The following ZNF536 variants were observed in gnomAD, a reference collection of about 807,000 sequenced individuals.
ZNF536 encodes zinc finger protein 536.
Under a neutral mutation model 84.5 loss-of-function variants are expected in ZNF536, and 13 were observed. That is an observed-to-expected ratio of 0.15 (90% CI 0.10 to 0.24). ZNF536 has a LOEUF of 0.24. Ranked by LOEUF, ZNF536 falls within the 10% of genes least tolerant of loss-of-function variation. The pLI, the probability that ZNF536 is intolerant of heterozygous loss-of-function variation, is 1.00. For synonymous variants in ZNF536, 811 were observed against 742.5 expected, an observed-to-expected ratio of 1.09 and a Z score of -1.50; for missense variants, 1,536 against 1,747.5, an observed-to-expected ratio of 0.88 and a Z score of 2.16.
chr19:30,396,819 C>T (rs1440151399), intron 1 of ZNF536, among the ~76,000 whole-genome samples: 1 of 151,994 alleles, frequency 6.6e-6, no homozygotes, highest in Non-Finnish European at 1.5e-5. Context: ...TGGCCAGGCT[C>T]GTCTCGAACT....
At chr19:30,459,683 C>T (rs1032088904) in intron 2 of ZNF536, among the ~76,000 whole-genome samples, 1 of 152,108 alleles carries the variant, frequency 6.6e-6, no homozygotes, top group African/African-American at 2.4e-5. Flanking sequence ...GTGCAGCTCA[C>T]GGGGTCGGCC....
chr19:30,616,608 G>T (rs2048303832), intron 1 of ZNF536, among the ~76,000 whole-genome samples: 1 of 152,170 alleles, frequency 6.6e-6, no homozygotes, highest in African/African-American at 2.4e-5. Flanking sequence ...TACAAAGCAT[G>T]ATTGATTGAT....
At chr19:30,390,958 C>T (rs768140045) in intron 1 of ZNF536, among the ~76,000 whole-genome samples, 1 of 152,212 alleles carries the variant, frequency 6.6e-6, no homozygotes, top group African/African-American at 2.4e-5. Context: ...TTATAAACCT[C>T]GGGGGCTACG....
rs2146213618 is a variant in ZNF536 at position 30,548,706 on chromosome 19, A to G, written c.3087A>G (p.Lys1029=). 1 of 1,613,988 alleles carries G rather than the reference A, an allele frequency of 6.2e-7. No individual in the cohort carries two copies. The highest frequency in any genetic ancestry group is 1.6e-4 in the Middle Eastern group (1 of 6,062). ...HLQANHLGKA[K]RKDNTIGVTV... ...AGGCCAACCACCTGGGCAAAGCGAA[A>G]CGCAAAGATAACACCATCGGGGTCA... is the stretch of plus-strand genomic sequence containing the variant. The change falls in exon 4 of 5, where the codon AAA becomes AAG. Residue 1029 remains lysine (K), a synonymous_variant. Transcript: ENST00000355537.
At chr19:30,530,134 G>A (rs1324648101) in intron 2 of ZNF536, among the ~76,000 whole-genome samples, 2 of 152,236 alleles carry the variant, frequency 1.3e-5, no homozygotes, top group Non-Finnish European at 2.9e-5. Flanking sequence ...ACAGATGGCA[G>A]CGTTGAGGCT....
chr19:30,444,979 A>G lies in ZNF536; in HGVS notation c.1417A>G (p.Ile473Val). ...AGCGCTGGGGAAGCTGCTGTCTCCCATCTCCAGCATGGCCCACGGCGTCCC... is the reference window on the plus strand; with the variant it reads ...AGCGCTGGGGAAGCTGCTGTCTCCCGTCTCCAGCATGGCCCACGGCGTCCC... The part of the protein sequence containing the change: ...KEALGKLLSP[I>V]SSMAHGVPEG... The change falls in exon 2 of 5, where the codon ATC becomes GTC. Residue 473 changes from isoleucine to valine, a missense_variant. By Grantham distance (29) the Ile-to-Val change is conservative. This residue lies in a region of ZNF536 where 366 missense variants were observed against 364.4 expected (regional missense o/e 1.00). Transcript: ENST00000355537. 6.2e-7 allele frequency: 1 copy of G among 1,611,562 alleles called. No homozygotes were observed. The highest frequency in any genetic ancestry group is 1.1e-5 in the South Asian group (1 of 90,840).
intron 1 of ZNF536, among the ~76,000 whole-genome samples, chr19:30,662,766 G>C (rs951543788): frequency 1.3e-5 from 2 of 152,082 alleles, no homozygotes; most frequent in Non-Finnish European, 2.9e-5. Context: ...TGCCCTGACG[G>C]CCGGTCGGGG....
chr19:30,306,623 AGTTT>A (rs2046350800), intron 2 of ZNF536, among the ~76,000 whole-genome samples: 4 of 152,220 alleles, frequency 2.6e-5, no homozygotes, highest in African/African-American at 7.2e-5. Context: ...GTTGGTTATA[AGTTT>A]GTTTGAGAAA....
At chr19:30,231,448 T>G (rs1197279047) in intron 1 of ZNF536, among the ~76,000 whole-genome samples, 1 of 152,202 alleles carries the variant, frequency 6.6e-6, no homozygotes, top group Admixed American at 6.5e-5. Flanking sequence ...AACTCACACC[T>G]GCTGTGCACA....
intron 2 of ZNF536, among the ~76,000 whole-genome samples, chr19:30,484,360 G>A (rs2054209111): frequency 6.7e-6 from 1 of 149,134 alleles, no homozygotes; most frequent in Non-Finnish European, 1.5e-5. Context: ...CCGAGTAGCT[G>A]GGATTACAGG....
intron 2 of ZNF536, among the ~76,000 whole-genome samples, chr19:30,475,827 C>T (rs954434408): frequency 2.0e-5 from 3 of 152,142 alleles, no homozygotes; most frequent in Admixed American, 6.5e-5. Flanking sequence ...CCCCTTTCTC[C>T]CCTGTCTCCC....
At chr19:30,424,982 C>T (rs2051148897) in intron 1 of ZNF536, among the ~76,000 whole-genome samples, 1 of 151,976 alleles carries the variant, frequency 6.6e-6, no homozygotes, top group Admixed American at 6.6e-5. Context: ...GTGCGTGGAG[C>T]CTTCTGGGCT....
intron 1 of ZNF536, among the ~76,000 whole-genome samples, chr19:30,383,820 C>A (rs1600491279): frequency 7.0e-6 from 1 of 143,380 alleles, no homozygotes; most frequent in South Asian, 2.3e-4. Context: ...TTCTCTCTTT[C>A]TTTCTTTCTC....
At chr19:30,687,145 C>T (rs1025601973) in intron 1 of ZNF536, among the ~76,000 whole-genome samples, 1 of 152,188 alleles carries the variant, frequency 6.6e-6, no homozygotes, top group Non-Finnish European at 1.5e-5. Context: ...GCCGGGCAGA[C>T]GCGGGGCTGC....
intron 3 of ZNF536, among the ~76,000 whole-genome samples, chr19:30,359,606 C>G (rs1483664128): frequency 6.6e-6 from 1 of 152,178 alleles, no homozygotes; most frequent in Non-Finnish European, 1.5e-5. Flanking sequence ...ACCTGAGTTA[C>G]AGGGTGCCCA....
chr19:30,701,592 A>G (rs2051986014), intron 1 of ZNF536, among the ~76,000 whole-genome samples: 2 of 152,136 alleles, frequency 1.3e-5, no homozygotes, highest in Admixed American at 1.3e-4. Context: ...ACACCCCTTC[A>G]GGGGGTTCAT....
In ZNF536 at chr19:30,353,440, C is replaced by T. The variant is rs539528132; in HGVS notation, c.-3+956C>T. Among the ~76,000 whole-genome samples the T allele has an allele frequency of 2.4e-3, 369 of 152,064 alleles. 1 individual carries two copies. The highest frequency in any genetic ancestry group is 7.5e-3 in the African/African-American group (309 of 41,470). ...GATTTCACACTGTGGTGAGTGTTTT[C>T]CGTCAGTTTCTTGGTGGGTGTATTT... On this transcript the variant is annotated intron_variant, in intron 3 of 5. Coordinates refer to the ZNF536 transcript ENST00000585628.
chr19:30,567,345 G>A (rs1422516375), intron 1 of ZNF536, among the ~76,000 whole-genome samples: 2 of 152,180 alleles, frequency 1.3e-5, no homozygotes, highest in Non-Finnish European at 2.9e-5. Flanking sequence ...GTTGTGACCA[G>A]AGTGGCTTTG....
rs1017062324 is a variant in ZNF536, at chr19:30,386,489, T to C, written c.-3+13933T>C. 2.6e-5 allele frequency among the ~76,000 whole-genome samples: 4 copies of C among 152,210 alleles called. No individual in the cohort carries two copies. The South Asian group carries it at 8.3e-4, about 32-fold the overall frequency. On this transcript the variant is annotated intron_variant, in intron 1 of 4. Coordinates refer to ENST00000355537, the MANE Select transcript of ZNF536 (RefSeq NM_014717.3). ...CCTCTCTGGGCTCAGGTGATCCTCC[T>C]ACCTCAGCCTCTCAAGTAGCTGGTA...
Sources: gnomAD v4.1 joint callset for allele counts (sites outside exome capture counted in the v4.1 genomes callset) on GRCh38, gnomAD v4.1.1 for gene constraint, gnomAD v4.1.1 regional missense constraint, MANE v1.5 for transcripts, NCBI Gene and HGNC (gene_info 2026-07-23, HGNC 2026-07-21) for gene names.